The following DCST1 variants were observed in gnomAD, a reference collection of about 807,000 sequenced individuals.
DCST1 encodes DC-STAMP domain containing 1, also known as E3 ubiquitin-protein ligase DCST1.
DCST1 carries 78 observed loss-of-function variants against 89.1 expected under a neutral mutation model. The ratio of observed to expected loss-of-function variants is 0.88; its 90% CI spans 0.73 to 1.06. The LOEUF (loss-of-function observed/expected upper bound fraction) is 1.06, where lower values mean the gene tolerates loss of function less well. DCST1 is among the 50% of genes least tolerant of loss of function. DCST1 has a pLI of 0.00. For missense variants in DCST1, 900 were observed against 928.6 expected (o/e 0.97, Z 0.40); for synonymous variants, 364 against 371.9 (o/e 0.98, Z 0.24).
At chr1:155,040,383 T>C in intron 5 of DCST1, 102 bp from the exon 6 acceptor site, 1 of 1,333,334 alleles carries the variant, frequency 7.5e-7, no homozygotes, top group South Asian at 1.5e-5. Context: ...CCCACCACTG[T>C]ATAGTTCTAG....
chr1:155,045,308 G>C (rs1440114746), intron 10 of DCST1: 1 of 154,048 alleles, frequency 6.5e-6, no homozygotes, highest in African/African-American at 2.4e-5. Context: ...AAATACATGG[G>C]GGATAGCTAT....
At chr1:155,042,879 G>A in intron 9 of DCST1, 23 bp downstream of exon 9, 1 of 1,613,720 alleles carries the variant, frequency 6.2e-7, no homozygotes, top group Non-Finnish European at 8.5e-7. Context: ...GGCGAGGGTT[G>A]GTGGGGGGTA....
intron 4 of DCST1, among the ~76,000 whole-genome samples, chr1:155,037,746 GT>G (rs1660318092): frequency 6.6e-6 from 1 of 152,204 alleles, no homozygotes; most frequent in Admixed American, 6.5e-5. Context: ...CCATATTGCT[GT>G]TCTTTTTATA....
intron 14 of DCST1, 66 bp downstream of exon 14, chr1:155,047,378 A>C (rs1660686586): frequency 1.4e-6 from 2 of 1,433,784 alleles, no homozygotes; most frequent in Non-Finnish European, 1.9e-6. Context: ...AAAAGACTCC[A>C]AGGTAAAGAG....
At chr1:155,043,215 G>A in intron 9 of DCST1, 137 bp from the exon 10 acceptor site, 1 of 1,244,020 alleles carries the variant, frequency 8.0e-7, no homozygotes, top group Non-Finnish European at 1.1e-6. Flanking sequence ...TGAGCAGAAG[G>A]AAGTGACAAC....
chr1:155,045,971 CGAT>C lies in DCST1; in HGVS notation c.1254_1256del (p.Asp419del), dbSNP rs1269140649. On this transcript the variant is annotated inframe_deletion, in exon 11 of 17. Coordinates refer to ENST00000295542, the MANE Select transcript of DCST1 (RefSeq NM_152494.4). ...ACATCAGTACCTACTTCTGCCAGAT[CGAT>C]GACCGCAGGAAGAAGCTGGTGAGTG... The C allele has an allele frequency of 2.1e-5, 34 of 1,614,098 alleles. No homozygotes were observed. Among genetic ancestry groups the C allele is most frequent in the Non-Finnish European group, 2.9e-5 (34 of 1,180,046 alleles).
rs1454553479 is a variant in DCST1, at chr1:155,034,014, T to C, written c.-23T>C. The C allele has an allele frequency of 6.2e-7, 1 of 1,613,950 alleles. No homozygotes were observed. The highest frequency in any genetic ancestry group is 8.5e-7 in the Non-Finnish European group (1 of 1,179,968). ...GGTCCTTCAGGAGACCTGGGATGAG[T>C]GGTGCTTCCCCAAAACAGACTCATG... On this transcript the variant is annotated 5_prime_UTR_variant, in exon 2 of 17. Coordinates refer to ENST00000295542, the MANE Select transcript of DCST1 (RefSeq NM_152494.4).
rs144706247 is a variant in DCST1 at position 155,040,601 on chromosome 1, C to T, written c.508C>T (p.Arg170Trp). 3.7e-5 allele frequency: 58 copies of T among 1,581,538 alleles called. 1 individual carries two copies. Among genetic ancestry groups the T allele is most frequent in the African/African-American group, 8.1e-5 (6 of 74,330 alleles). The change falls in exon 6 of 17, where the codon CGG becomes TGG. Residue 170 changes from arginine to tryptophan, a missense_variant. Transcript: ENST00000295542. The stretch of plus-strand genomic sequence containing the variant: ...TTGGCGCATCTCCACAGCCCCCTTA[C>T]GGGCCATGTTCAAGGACCTGCTGGT... The part of the protein sequence containing the change: ...AAWRISTAPL[R>W]AMFKDLLSSK...
intron 2 of DCST1, 52 bp from the exon 3 acceptor site, chr1:155,034,383 C>G (rs913663077): frequency 6.2e-7 from 1 of 1,612,844 alleles, no homozygotes; most frequent in South Asian, 1.1e-5. Flanking sequence ...TCCTAATGAG[C>G]CCCATCCCAG....
At chr1:155,036,287 G>A (rs1327210115) in intron 4 of DCST1, among the ~76,000 whole-genome samples, 2 of 152,076 alleles carry the variant, frequency 1.3e-5, no homozygotes, top group Admixed American at 1.3e-4. Context: ...CTTTTTCTCT[G>A]ACCCACTGTA....
At position 155,047,271 on chromosome 1, in the gene DCST1, T is replaced by G; in HGVS notation, c.1571T>G (p.Leu524Arg). Residue 524 changes from leucine to arginine, a missense_variant, in exon 14 of 17, where the codon CTG becomes CGG. Coordinates refer to ENST00000295542, the MANE Select transcript of DCST1 (RefSeq NM_152494.4). ...CTTCTTCGAAAAACCATTGGGGCCCTGAACACCTCCTCAGAGACAGTGATG... is the reference window on the plus strand; with the variant it reads ...CTTCTTCGAAAAACCATTGGGGCCCGGAACACCTCCTCAGAGACAGTGATG... ...ARLLRKTIGA[L>R]NTSSETVMES... 6.2e-7 allele frequency: 1 copy of G among 1,614,092 alleles called. No individual in the cohort carries two copies. The highest frequency in any genetic ancestry group is 8.5e-7 in the Non-Finnish European group (1 of 1,179,964).
At position 155,048,128 on chromosome 1, in the gene DCST1, G is replaced by A. The variant is rs749351517; in HGVS notation, c.1827G>A (p.Arg609=). 8 of 1,613,932 alleles carry A rather than the reference G, an allele frequency of 5.0e-6. No individual in the cohort carries two copies. In the Admixed American group the frequency reaches 8.3e-5, roughly 17 times the overall value. Residue 609 remains arginine (R), a synonymous_variant, in exon 16 of 17, where the codon AGG becomes AGA. Coordinates refer to ENST00000295542, the MANE Select transcript of DCST1 (RefSeq NM_152494.4). ...LKKRAAFTKL[R]RAAILRRERQ... is the part of the protein sequence containing the mutation. The stretch of plus-strand genomic sequence containing the variant: ...AAAGAGCAGCCTTCACCAAACTCAG[G>A]AGGGCCGCTATCCTGAGGCGGGAGC...
In DCST1 at chr1:155,039,400, C is replaced by T. The variant is rs755742277; in HGVS notation, c.263-3C>T. 1.3e-6 allele frequency: 2 copies of T among 1,567,858 alleles called. No homozygotes were observed. The highest frequency in any genetic ancestry group is 1.2e-5 in the South Asian group (1 of 84,176). On this transcript the variant is annotated splice_polypyrimidine_tract_variant and splice_region_variant and intron_variant, in intron 4 of 16. Transcript: ENST00000295542. ...CTCACCACCTCCTGGGCTCTCCTGA[C>T]AGGCTTGGGGGCCATGGGCTGGGGG...
In DCST1 at chr1:155,040,504, A is replaced by T. The variant is rs764843160; in HGVS notation, c.411A>T (p.Arg137=). Residue 137 remains arginine (R), a synonymous_variant, in exon 6 of 17, where the codon CGA becomes CGT. Transcript: ENST00000295542. ...CTCCAGGGCCAGTAGCCAATCTGCG[A>T]CACAATCTCAACAACGTGATCGCAT... ...AIYVGPVANL[R]HNLNNVIASL... The T allele has an allele frequency of 6.2e-7, 1 of 1,600,042 alleles. No individual in the cohort carries two copies. Among genetic ancestry groups the T allele is most frequent in the South Asian group, 1.1e-5 (1 of 88,406 alleles).
intron 10 of DCST1, among the ~76,000 whole-genome samples, chr1:155,044,684 G>C (rs1223000379): frequency 6.6e-6 from 1 of 152,148 alleles, no homozygotes; most frequent in African/African-American, 2.4e-5. Context: ...GGTGTCCCTT[G>C]CGTAAGGCTC....
chr1:155,047,975 C>T, intron 15 of DCST1, 46 bp downstream of exon 15: 1 of 1,613,186 alleles, frequency 6.2e-7, no homozygotes, highest in African/African-American at 1.3e-5. Flanking sequence ...CCTGCACACA[C>T]ACACACACAC....
Position 155,043,430 on chromosome 1 carries a change from C to G in DCST1, c.1093C>G (p.Arg365Gly). ...CACCGAGGTGCGGGACTACGTGTAC[C>G]GCCAGGAGGCCCGGCTGGAGTGGGC... ...VSTEVRDYVYRQEARLEWALG... is the reference protein window; with the variant it reads ...VSTEVRDYVYGQEARLEWALG... Residue 365 changes from arginine (R) to glycine (G), a missense_variant, in exon 10 of 17, where the codon CGC (arginine) becomes GGC (glycine). Physicochemically the swap from Arg to Gly is moderately radical, Grantham distance 125. Transcript: ENST00000295542. The G allele has an allele frequency of 6.2e-7, 1 of 1,613,496 alleles. No individual in the cohort carries two copies. Among genetic ancestry groups the G allele is most frequent in the Non-Finnish European group, 8.5e-7 (1 of 1,179,778 alleles).
At chr1:155,041,344 G>T in intron 6 of DCST1, 53 bp from the exon 7 acceptor site, 1 of 1,591,218 alleles carries the variant, frequency 6.3e-7, no homozygotes, top group South Asian at 1.1e-5. Flanking sequence ...TCAGGCAGCA[G>T]AAGTTCTAAA....
Position 155,034,499 on chromosome 1 carries a change from G to A in DCST1, c.126G>A (p.Pro42=), listed in dbSNP as rs563215275. Residue 42 remains proline (P), a synonymous_variant, in exon 3 of 17, where the codon CCG becomes CCA. Transcript: ENST00000295542. ...VSCSWFLWRQ[P]GEFPVTALLL... ...GTAGCTGGTTCCTGTGGCGCCAGCC[G>A]GGCGAGTTTCCTGTCACTGCTCTCC... 180 of 1,613,654 alleles carry A rather than the reference G, an allele frequency of 1.1e-4. No individual in the cohort carries two copies. The South Asian group carries it at 1.2e-3, about 11-fold the overall frequency.
Sources: allele counts gnomAD v4.1 joint callset (sites outside exome capture counted in the v4.1 genomes callset), GRCh38; gene constraint gnomAD v4.1.1; transcripts MANE v1.5; gene names NCBI Gene and HGNC (gene_info 2026-07-23, HGNC 2026-07-21).